Variants in AGBL1 observed in about 807,000 individuals in gnomAD.
The protein encoded by AGBL1 is cytosolic carboxypeptidase 4.
Under a neutral mutation model 118.9 loss-of-function variants are expected in AGBL1, and 130 were observed. The observed-to-expected ratio is 1.09, with a 90% CI of 0.95 to 1.26. The LOEUF (loss-of-function observed/expected upper bound fraction) is 1.26. Ranked by LOEUF, AGBL1 falls within the 50% of genes most tolerant of loss-of-function variation. The probability of loss-of-function intolerance (pLI) is 0.00; values close to 1 mark genes in which losing one functional copy is unlikely to be tolerated. For synonymous variants in AGBL1, 555 were observed against 478.9 expected (o/e 1.16, Z -2.08); for missense variants, 1,584 against 1,298.1 (o/e 1.22, Z -3.38).
At chr15:86,188,000 AG>A (rs776932522) in intron 5 of AGBL1, among the ~76,000 whole-genome samples, 2 of 152,356 alleles carry the variant, frequency 1.3e-5, no homozygotes, top group South Asian at 4.1e-4. Context: ...GATTAGGAAA[AG>A]ATACAAGTAC....
chr15:86,379,136 C>G (rs1156479312), intron 17 of AGBL1, among the ~76,000 whole-genome samples: 3 of 151,944 alleles, frequency 2.0e-5, no homozygotes, highest in African/African-American at 7.3e-5. Context: ...TGGTCTTGAA[C>G]TCCTCACTTC....
intron 18 of AGBL1, among the ~76,000 whole-genome samples, chr15:86,489,799 A>G (rs1294465510): frequency 2.0e-5 from 3 of 152,098 alleles, no homozygotes; most frequent in Non-Finnish European, 2.9e-5. Flanking sequence ...GATGATTAAG[A>G]GACATTCGTT....
At chr15:86,976,419 GTTTC>G (rs1288321199) in intron 23 of AGBL1, among the ~76,000 whole-genome samples, 1 of 151,758 alleles carries the variant, frequency 6.6e-6, no homozygotes, top group Non-Finnish European at 1.5e-5. Context: ...GCATTTGTTT[GTTTC>G]TTTCTCAAGT....
At chr15:86,850,457 A>G (rs1323137595) in intron 22 of AGBL1, among the ~76,000 whole-genome samples, 1 of 152,190 alleles carries the variant, frequency 6.6e-6, no homozygotes, top group Non-Finnish European at 1.5e-5. Flanking sequence ...GATCTTTGCC[A>G]AAGAACCAAG....
intron 1 of AGBL1, among the ~76,000 whole-genome samples, chr15:86,082,373 G>T (rs1388768227): frequency 6.6e-6 from 1 of 152,236 alleles, no homozygotes. Context: ...CAAGGTGACA[G>T]ACAGAAGGCT....
At chr15:87,019,042 G>C (rs930048227) in intron 24 of AGBL1, among the ~76,000 whole-genome samples, 1 of 152,034 alleles carries the variant, frequency 6.6e-6, no homozygotes, top group Non-Finnish European at 1.5e-5. Flanking sequence ...ATTACATAAT[G>C]GTAAAGGGTT....
At chr15:86,336,250 C>T (rs1047132072) in intron 17 of AGBL1, among the ~76,000 whole-genome samples, 3 of 152,192 alleles carry the variant, frequency 2.0e-5, no homozygotes, top group African/African-American at 4.8e-5. Flanking sequence ...GCTACATCTG[C>T]TCCAGGCTGT....
intron 21 of AGBL1, among the ~76,000 whole-genome samples, chr15:86,642,683 T>G (rs2469188): frequency 0.89 from 134,930 of 151,916 alleles, 60,117 homozygotes; most frequent in East Asian, 1. Context: ...ACACTATTTA[T>G]TGATGGTGAA....
intron 17 of AGBL1, among the ~76,000 whole-genome samples, chr15:86,366,351 C>T (rs1269702216): frequency 6.6e-6 from 1 of 152,134 alleles, no homozygotes; most frequent in African/African-American, 2.4e-5. Flanking sequence ...AGTGAGGCAA[C>T]ATTTCAGAGA....
chr15:86,277,516 A>C (rs1320781481), intron 15 of AGBL1, among the ~76,000 whole-genome samples: 3 of 152,126 alleles, frequency 2.0e-5, no homozygotes, highest in Non-Finnish European at 4.4e-5. Context: ...TGCCTGAATG[A>C]GGGAAAGAAC....
intron 17 of AGBL1, among the ~76,000 whole-genome samples, chr15:86,356,017 T>A (rs1288487981): frequency 6.6e-6 from 1 of 152,194 alleles, no homozygotes; most frequent in Non-Finnish European, 1.5e-5. Context: ...CCTAGGCAGT[T>A]GGGCAGTATG....
chr15:86,473,161 A>G (rs536743488), intron 18 of AGBL1, among the ~76,000 whole-genome samples: 114 of 152,268 alleles, frequency 7.5e-4, no homozygotes, highest in African/African-American at 2.7e-3. Flanking sequence ...TTTCATCCCA[A>G]TTTCTCCTAT....
intron 23 of AGBL1, among the ~76,000 whole-genome samples, chr15:86,932,316 T>A (rs1477364944): frequency 6.6e-6 from 1 of 152,234 alleles, no homozygotes; most frequent in East Asian, 1.9e-4. Context: ...CCATTAACTT[T>A]AGGCTCTGTC....
chr15:86,898,551 G>T (rs1313099688), intron 22 of AGBL1, among the ~76,000 whole-genome samples: 2 of 152,060 alleles, frequency 1.3e-5, no homozygotes, highest in Non-Finnish European at 2.9e-5. Flanking sequence ...GGACAACTGG[G>T]ATCTAATTAA....
chr15:86,428,075 T>C (rs2081889099), intron 18 of AGBL1, among the ~76,000 whole-genome samples: 1 of 152,220 alleles, frequency 6.6e-6, no homozygotes, highest in Non-Finnish European at 1.5e-5. Flanking sequence ...ATGGATGGCT[T>C]GTCTCTTAGA....
intron 22 of AGBL1, among the ~76,000 whole-genome samples, chr15:86,702,854 C>T (rs373654028): frequency 2.6e-4 from 32 of 123,386 alleles, no homozygotes; most frequent in African/African-American, 3.1e-4. Context: ...GGGGTAATTA[C>T]GTCAACCTCC....
chr15:86,893,278 G>A (rs1302311564), intron 22 of AGBL1, among the ~76,000 whole-genome samples: 1 of 152,174 alleles, frequency 6.6e-6, no homozygotes, highest in African/African-American at 2.4e-5. Flanking sequence ...GTAGGTGGCT[G>A]CCTCTTGAGG....
At chr15:86,288,063 C>T (rs563652219) in intron 16 of AGBL1, among the ~76,000 whole-genome samples, 12 of 152,230 alleles carry the variant, frequency 7.9e-5, no homozygotes, top group South Asian at 2.1e-4. Context: ...TTACACACTA[C>T]GGGATATATT....
intron 23 of AGBL1, among the ~76,000 whole-genome samples, chr15:86,923,457 C>T (rs2080500778): frequency 6.6e-6 from 1 of 152,222 alleles, no homozygotes; most frequent in Non-Finnish European, 1.5e-5. Flanking sequence ...CTGTTCCTCC[C>T]TCCCTTCAAG....
Sources: gnomAD v4.1 joint callset for allele counts (sites outside exome capture counted in the v4.1 genomes callset) on GRCh38, gnomAD v4.1.1 for gene constraint, MANE v1.5 for transcripts, NCBI Gene and HGNC (gene_info 2026-07-23, HGNC 2026-07-21) for gene names.